PHF24: variants seen among roughly 807,000 people sequenced by gnomAD.
PHF24 encodes the protein PHD finger protein 24, also known as Galpha inhibitory interacting protein.
A neutral mutation model predicts 42.6 loss-of-function variants in PHF24; 25 were observed. That is an observed-to-expected ratio of 0.59 (90% CI 0.43 to 0.82). The LOEUF (loss-of-function observed/expected upper bound fraction) is 0.82. PHF24 is among the 40% of genes least tolerant of loss of function. PHF24 has a pLI of 0.00. For synonymous variants in PHF24, 185 were observed against 204.8 expected (o/e 0.90, Z 0.83); for missense variants, 470 against 538.1 (o/e 0.87, Z 1.25).
the PHF24 span, among the ~76,000 whole-genome samples, chr9:34,916,720 T>G: frequency 6.6e-6 from 1 of 152,246 alleles, no homozygotes; most frequent in Non-Finnish European, 1.5e-5. Context: ...GTGCTATTCA[T>G]ATTTTTCTTG....
chr9:34,829,328 A>G, the PHF24 span, among the ~76,000 whole-genome samples: 1 of 152,170 alleles, frequency 6.6e-6, no homozygotes, highest in Non-Finnish European at 1.5e-5. Context: ...TCATTTTTGT[A>G]TAGGTTGAGA....
the PHF24 span, among the ~76,000 whole-genome samples, chr9:34,672,753 C>T: frequency 2.0e-5 from 3 of 152,092 alleles, no homozygotes; most frequent in African/African-American, 7.2e-5. Flanking sequence ...ACTTAAAGGC[C>T]CCACCTTTCA....
At chr9:34,733,301 C>T in the PHF24 span, among the ~76,000 whole-genome samples, 1 of 152,102 alleles carries the variant, frequency 6.6e-6, no homozygotes, top group African/African-American at 2.4e-5. Context: ...AATATCTCTT[C>T]CTATTCTTAG....
At chr9:34,896,228 G>A in the PHF24 span, among the ~76,000 whole-genome samples, 1 of 152,190 alleles carries the variant, frequency 6.6e-6, no homozygotes, top group African/African-American at 2.4e-5. Flanking sequence ...ATAGAGGATA[G>A]GGCAAGCATC....
At chr9:34,848,241 G>T in the PHF24 span, among the ~76,000 whole-genome samples, 49,552 of 145,800 alleles carry the variant, frequency 0.34, 8,544 homozygotes, top group East Asian at 0.65. Context: ...GGACTCTTTT[G>T]GGTTGGTAAG....
chr9:34,786,018 G>A, the PHF24 span, among the ~76,000 whole-genome samples: 10 of 152,142 alleles, frequency 6.6e-5, no homozygotes, highest in South Asian at 2.1e-3. Flanking sequence ...AAGAATTCTG[G>A]GATTCCCATG....
chr9:34,830,803 C>G, the PHF24 span, among the ~76,000 whole-genome samples: 1 of 152,182 alleles, frequency 6.6e-6, no homozygotes, highest in Admixed American at 6.5e-5. Flanking sequence ...TAGGATATCA[C>G]TGAGAGGGGC....
the PHF24 span, among the ~76,000 whole-genome samples, chr9:34,700,758 A>T: frequency 6.6e-6 from 1 of 151,210 alleles, no homozygotes; most frequent in Non-Finnish European, 1.5e-5. Context: ...GAAGAGGTCC[A>T]AGTTCTAAGT....
chr9:34,702,585 A>G, the PHF24 span, among the ~76,000 whole-genome samples: 2 of 152,250 alleles, frequency 1.3e-5, no homozygotes, highest in East Asian at 1.9e-4. Context: ...TTGACATAGC[A>G]ATAGACGTAG....
At chr9:34,741,429 C>G in the PHF24 span, among the ~76,000 whole-genome samples, 57,767 of 151,364 alleles carry the variant, frequency 0.38, 13,183 homozygotes, top group East Asian at 0.6. Flanking sequence ...ATGCTATGAT[C>G]TTGGCTCACC....
chr9:34,893,062 A>G, the PHF24 span: 1 of 965,836 alleles, frequency 1.0e-6, no homozygotes, highest in Non-Finnish European at 1.6e-6. Flanking sequence ...GCAATTGCTT[A>G]ATCTCCAGAG....
chr9:34,777,743 G>T, the PHF24 span, among the ~76,000 whole-genome samples: 27 of 152,334 alleles, frequency 1.8e-4, no homozygotes, highest in African/African-American at 6.5e-4. Flanking sequence ...TGCTTCTCTA[G>T]TGCCTCAGAC....
At chr9:34,917,631 G>A in the PHF24 span, 1 of 776,796 alleles carries the variant, frequency 1.3e-6, no homozygotes, top group Admixed American at 1.7e-5. Flanking sequence ...TGGCCTTCCA[G>A]TGGCTTCCCG....
chr9:34,792,737 G>A, the PHF24 span, among the ~76,000 whole-genome samples: 3 of 151,048 alleles, frequency 2.0e-5, no homozygotes, highest in African/African-American at 4.9e-5. Context: ...CTTACTTTCT[G>A]TGTTTATTTC....
chr9:34,741,843 A>C, the PHF24 span, among the ~76,000 whole-genome samples: 1 of 147,942 alleles, frequency 6.8e-6, no homozygotes, highest in African/African-American at 2.4e-5. Context: ...TTTTCTAAGC[A>C]GATGGAACTA....
the PHF24 span, among the ~76,000 whole-genome samples, chr9:34,875,003 A>G: frequency 6.6e-6 from 1 of 152,202 alleles, no homozygotes; most frequent in Non-Finnish European, 1.5e-5. Context: ...TTTAAAATAT[A>G]CAATTATTAC....
At chr9:34,936,392 A>G in the PHF24 span, among the ~76,000 whole-genome samples, 108 of 152,292 alleles carry the variant, frequency 7.1e-4, no homozygotes, top group Non-Finnish European at 1.4e-3. Context: ...CCAGGCTGGA[A>G]TGCAGTGGCG....
the PHF24 span, among the ~76,000 whole-genome samples, chr9:34,828,911 T>TTATCTATATCTATATCAA: frequency 7.0e-6 from 1 of 143,360 alleles, no homozygotes; most frequent in Non-Finnish European, 1.5e-5. Flanking sequence ...TTGCATGGTT[T>TTATCTATATCTATATCAA]TATCTATATC....
At chr9:34,958,284 CGCCTGCTGCCG>C (rs1826458308), upstream of PHF24, 1 of 152,790 alleles carries the variant, frequency 6.5e-6, no homozygotes, top group Non-Finnish European at 1.4e-5. This position sits in a 1 kb window ranked among gnomAD's most constrained non-coding sequence, Gnocchi z 4.5. Flanking sequence ...CCGCCCGCGC[CGCCTGCTGCCG>C]GCGCTCGGCC....
Sources: allele counts gnomAD v4.1 joint callset (sites outside exome capture counted in the v4.1 genomes callset), GRCh38; gene constraint gnomAD v4.1.1; non-coding constraint Gnocchi (gnomAD v3.1); transcripts MANE v1.5; gene names NCBI Gene and HGNC (gene_info 2026-07-23, HGNC 2026-07-21).